Variants in DDR2 observed in about 807,000 individuals in gnomAD.
DDR2 encodes the protein discoidin domain-containing receptor 2.
DDR2 carries 27 observed loss-of-function variants against 94.9 expected under a neutral mutation model. The observed-to-expected ratio is 0.28, with a 90% CI of 0.21 to 0.39. DDR2 has a LOEUF of 0.39. Ranked by LOEUF, DDR2 falls within the 10% of genes least tolerant of loss-of-function variation. The probability of loss-of-function intolerance (pLI) is 1.00; values close to 1 mark genes in which losing one functional copy is unlikely to be tolerated. For missense variants in DDR2, 783 were observed against 1,076.0 expected (o/e 0.73, Z 3.81); for synonymous variants, 382 against 377.2 (o/e 1.01, Z -0.15).
Position 162,753,106 on chromosome 1 carries a change from T to C in DDR2, c.94T>C (p.Tyr32His), listed in dbSNP as rs764505156. ...KAQVNPAICR[Y>H]PLGMSGGQIP... The stretch of plus-strand genomic sequence containing the variant: ...TTCTCTTGGTCTAGCTATATGCCGC[T>C]ATCCTCTGGGCATGTCAGGAGGCCA... Residue 32 changes from tyrosine (Y) to histidine (H), a missense_variant, in exon 4 of 18, where the codon TAT (tyrosine) becomes CAT (histidine). Tyr to His is a moderately conservative substitution (Grantham distance 83). This residue lies in a region of DDR2 where 519 missense variants were observed against 647.9 expected (regional missense o/e 0.80). Transcript: ENST00000367921. The C allele has an allele frequency of 4.3e-6, 7 of 1,613,620 alleles. No homozygotes were observed. Among genetic ancestry groups the C allele is most frequent in the Admixed American group, 1.7e-5 (1 of 60,012 alleles).
chr1:162,650,685 C>A (rs549277805), intron 1 of DDR2, among the ~76,000 whole-genome samples: 1 of 152,200 alleles, frequency 6.6e-6, no homozygotes, highest in East Asian at 1.9e-4. Context: ...TCCTTCTTCC[C>A]TCCTGTGCTA....
At chr1:162,638,658 G>A (rs1420253718) in intron 1 of DDR2, among the ~76,000 whole-genome samples, 1 of 152,190 alleles carries the variant, frequency 6.6e-6, no homozygotes, top group Admixed American at 6.5e-5. Context: ...GCATGTAAAA[G>A]TTAGAGGATT....
chr1:162,651,366 T>C (rs143248336), intron 1 of DDR2, among the ~76,000 whole-genome samples: 10 of 152,350 alleles, frequency 6.6e-5, no homozygotes, highest in Non-Finnish European at 1.2e-4. Context: ...ATTCAAATTG[T>C]TCCCTTTTCT....
intron 3 of DDR2, among the ~76,000 whole-genome samples, chr1:162,739,499 G>A (rs573741595): frequency 1.3e-5 from 2 of 152,210 alleles, no homozygotes; most frequent in South Asian, 2.1e-4. Flanking sequence ...TGGAGACAGG[G>A]TTTTACCATG....
intron 3 of DDR2, among the ~76,000 whole-genome samples, chr1:162,720,597 C>CA (rs1297219240): frequency 6.6e-5 from 10 of 151,722 alleles, no homozygotes; most frequent in African/African-American, 2.4e-4. Flanking sequence ...CCATTATGAA[C>CA]AAAACTCCTA....
chr1:162,650,130 T>C (rs1437731023), intron 1 of DDR2, among the ~76,000 whole-genome samples: 1 of 152,180 alleles, frequency 6.6e-6, no homozygotes, highest in East Asian at 1.9e-4. Flanking sequence ...TTATTGCATT[T>C]ATGTAGTTGA....
At chr1:162,744,672 C>G (rs933869198) in intron 3 of DDR2, among the ~76,000 whole-genome samples, 2 of 152,060 alleles carry the variant, frequency 1.3e-5, no homozygotes, top group Admixed American at 6.6e-5. Flanking sequence ...CCCTAGCCCC[C>G]CACCCAATTT....
At chr1:162,724,304 C>G (rs1661552189) in intron 3 of DDR2, among the ~76,000 whole-genome samples, 1 of 152,176 alleles carries the variant, frequency 6.6e-6, no homozygotes, top group Admixed American at 6.5e-5. Context: ...TCATGCTTTC[C>G]TTTCTGCAAC....
intron 3 of DDR2, among the ~76,000 whole-genome samples, chr1:162,750,277 T>G (rs2102118139): frequency 6.6e-6 from 1 of 152,318 alleles, no homozygotes; most frequent in Non-Finnish European, 1.5e-5. Context: ...CTTAAGCTGA[T>G]CAGCAACTTC....
At chr1:162,675,781 T>C (rs4233392) in intron 2 of DDR2, among the ~76,000 whole-genome samples, 105,533 of 151,990 alleles carry the variant, frequency 0.69, 37,231 homozygotes, top group Middle Eastern at 0.81. Flanking sequence ...TTTAGAAAAA[T>C]CCCTGTGGCT....
intron 11 of DDR2, among the ~76,000 whole-genome samples, chr1:162,767,807 G>GGTGTGTGTGTTTGTGTGTGTGT (rs34949546): frequency 1.3e-5 from 2 of 149,560 alleles, no homozygotes; most frequent in African/African-American, 2.5e-5. Context: ...TTGTCTGTTT[G>GGTGTGTGTGTTTGTGTGTGTGT]GTGTGTGTGT....
intron 8 of DDR2, among the ~76,000 whole-genome samples, chr1:162,760,352 G>C (rs996088839): frequency 2.1e-5 from 2 of 93,766 alleles, no homozygotes; most frequent in Non-Finnish European, 4.5e-5. Flanking sequence ...CTTTTTACCA[G>C]CACAGTTGTG....
chr1:162,717,605 A>G (rs1301908589), intron 2 of DDR2, among the ~76,000 whole-genome samples: 1 of 152,104 alleles, frequency 6.6e-6, no homozygotes, highest in African/African-American at 2.4e-5. Flanking sequence ...ATAGTTTCTC[A>G]GACTTTCTTG....
At chr1:162,766,999 A>G (rs1226249890) in intron 10 of DDR2, among the ~76,000 whole-genome samples, 2 of 149,562 alleles carry the variant, frequency 1.3e-5, no homozygotes, top group African/African-American at 2.5e-5. Context: ...ATTGCACTCC[A>G]TCCTGAGGGA....
intron 1 of DDR2, among the ~76,000 whole-genome samples, chr1:162,649,536 C>G (rs533579156): frequency 9.9e-5 from 15 of 152,246 alleles, no homozygotes; most frequent in African/African-American, 3.4e-4. Flanking sequence ...CTCTTCAGCT[C>G]CTTTCAAAAG....
rs116678437 is a variant in DDR2, at chr1:162,765,690, T to A, written c.1100-311T>A. ...TATTCTGTCTATATTTTCACTGAAT[T>A]TGGGTCCTGCTTCTTATGCTTTATG... On this transcript the variant is annotated intron_variant, in intron 9 of 17. Transcript: ENST00000367921. Among the ~76,000 whole-genome samples the A allele has an allele frequency of 3.8e-3, 572 of 151,054 alleles. 3 individuals are homozygous for A. The highest frequency in any genetic ancestry group is 0.013 in the African/African-American group (515 of 40,994).
At chr1:162,730,919 C>T (rs994018313) in intron 3 of DDR2, among the ~76,000 whole-genome samples, 2 of 152,120 alleles carry the variant, frequency 1.3e-5, no homozygotes, top group African/African-American at 4.8e-5. Flanking sequence ...CCGTAGAGAC[C>T]GTCTGCTAGT....
intron 2 of DDR2, among the ~76,000 whole-genome samples, chr1:162,673,604 TGTGTGAGA>T (rs1314099326): frequency 0.059 from 7,492 of 127,034 alleles, 194 homozygotes; most frequent in Admixed American, 0.076. Flanking sequence ...TATGTGTGTG[TGTGTGAGA>T]GAGAGAGAGA....
At chr1:162,636,191 T>C (rs1164852821) in intron 1 of DDR2, among the ~76,000 whole-genome samples, 1 of 152,246 alleles carries the variant, frequency 6.6e-6, no homozygotes, top group Non-Finnish European at 1.5e-5. Context: ...CCTAATTTTA[T>C]AAACCCCAGC....
Sources: allele counts gnomAD v4.1 joint callset (sites outside exome capture counted in the v4.1 genomes callset), GRCh38; gene constraint gnomAD v4.1.1; regional missense constraint gnomAD v4.1.1; transcripts MANE v1.5; gene names NCBI Gene and HGNC (gene_info 2026-07-23, HGNC 2026-07-21).